L3HYPDH: variants seen among roughly 807,000 people sequenced by gnomAD.
L3HYPDH encodes trans-L-3-hydroxyproline dehydratase, also known as trans-3-hydroxy-L-proline dehydratase.
In L3HYPDH, 32 loss-of-function variants were observed where a neutral mutation model predicts 26.5. The observed-to-expected ratio is 1.21, with a 90% confidence interval of 0.91 to 1.62. L3HYPDH has a LOEUF of 1.62. L3HYPDH is among the 40% of genes most tolerant of loss of function. The pLI is 0.00. For missense variants in L3HYPDH, 554 were observed against 476.4 expected (o/e 1.16, Z -1.52); for synonymous variants, 215 against 196.6 (o/e 1.09, Z -0.78).
chr14:59,503,845 A>G, the L3HYPDH span: 1 of 1,582,654 alleles, frequency 6.3e-7, no homozygotes, highest in South Asian at 1.1e-5. Flanking sequence ...CTTTTACAAA[A>G]TTATATAGAA....
the L3HYPDH span, among the ~76,000 whole-genome samples, chr14:59,502,751 T>TTTTTGTTTTTTTTTTTTTGTTTTTG: frequency 2.2e-5 from 2 of 89,178 alleles, no homozygotes; most frequent in African/African-American, 8.9e-5. Flanking sequence ...TAAAATGAGA[T>TTTTTGTTTTTTTTTTTTTGTTTTTG]TTTTTTTTTT....
chr14:59,474,816 GTATGT>G (rs1233256367), intron 4 of L3HYPDH: 1 of 285,406 alleles, frequency 3.5e-6, no homozygotes, highest in African/African-American at 2.2e-5. Context: ...TCCAATAAAT[GTATGT>G]TGTTATTTTT....
In L3HYPDH at chr14:59,472,998, G is replaced by A. The variant is rs755471449; in HGVS notation, c.1032C>T (p.Asp344=). ...TGTASFIIED[D]DPLRDGFLLK ...GAAGAAATCCATCCCTCAATGGGTC[G>A]TCATCTTCTATTATAAAGCTTGCTG... The change falls in exon 5 of 5, where the codon GAC becomes GAT. Residue 344 remains aspartate (D), a synonymous_variant. Transcript: ENST00000247194. 31 of 1,606,614 alleles carry A rather than the reference G, an allele frequency of 1.9e-5. 1 individual carries two copies. The highest frequency in any genetic ancestry group is 1.8e-4 in the African/African-American group (13 of 74,228).
chr14:59,466,062 G>C (rs1254578868), intron 1 of L3HYPDH, among the ~76,000 whole-genome samples: 3 of 152,132 alleles, frequency 2.0e-5, no homozygotes, highest in Non-Finnish European at 2.9e-5. Context: ...TCTAAACCCC[G>C]TAGGTGATTC....
At chr14:59,501,391 C>A in the L3HYPDH span, 1 of 609,318 alleles carries the variant, frequency 1.6e-6, no homozygotes, top group Non-Finnish European at 2.8e-6. Flanking sequence ...CTGATTGATG[C>A]CACTTGGTAG....
chr14:59,483,996 T>G lies in L3HYPDH; in HGVS notation c.321A>C (p.Ala107=), dbSNP rs752871210. The G allele has an allele frequency of 1.3e-6, 2 of 1,594,356 alleles. No homozygotes were observed. The highest frequency in any genetic ancestry group is 1.7e-6 in the Non-Finnish European group (2 of 1,175,290). The stretch of plus-strand genomic sequence containing the variant: ...AAGCGAAGCGGCCCAGCGCCAGCAC[T>G]GCGTGGCCGCACATGGAGCTGTAGC... ...NEGYSSMCGH[A]VLALGRFALD... The change falls in exon 1 of 5, where the codon GCA becomes GCC. Residue 107 remains alanine (A), a synonymous_variant. Transcript: ENST00000247194.
chr14:59,502,773 T>TTTTTTTTTTTTTG, the L3HYPDH span, among the ~76,000 whole-genome samples: 264 of 102,830 alleles, frequency 2.6e-3, 25 homozygotes, highest in African/African-American at 9.2e-3. Context: ...TTTTTTTTTT[T>TTTTTTTTTTTTTG]CGGAGTCTCA....
In L3HYPDH at chr14:59,483,864, G is replaced by A; in HGVS notation, c.453C>T (p.Gly151=). ...LVTAFVACED[G]RSHGPVRFHS... ...GGAAGCGCACCGGTCCGTGGCTGCG[G>A]CCGTCCTCGCATGCCACGAAGGCGG... The change falls in exon 1 of 5, where the codon GGC becomes GGT. Residue 151 remains glycine (G), a synonymous_variant. Coordinates refer to ENST00000247194, the MANE Select transcript of L3HYPDH (RefSeq NM_144581.2). 6.3e-7 allele frequency: 1 copy of A among 1,583,340 alleles called. No homozygotes were observed. The highest frequency in any genetic ancestry group is 2.3e-5 in the East Asian group (1 of 43,796).
chr14:59,475,811 G>C, intron 4 of L3HYPDH, 58 bp downstream of exon 4: 1 of 1,502,638 alleles, frequency 6.7e-7, no homozygotes, highest in Non-Finnish European at 9.0e-7. Flanking sequence ...CCCAACTCAG[G>C]CCTCTCCAGT....
chr14:59,478,255 T>G (rs528120520), intron 2 of L3HYPDH, among the ~76,000 whole-genome samples: 1 of 152,164 alleles, frequency 6.6e-6, no homozygotes, highest in African/African-American at 2.4e-5. Context: ...ACTATATTAG[T>G]ATGTATGTAT....
chr14:59,467,710 T>C (rs1250743235), downstream of L3HYPDH, among the ~76,000 whole-genome samples: 1 of 152,194 alleles, frequency 6.6e-6, no homozygotes, highest in African/African-American at 2.4e-5. Context: ...ATCTCTCTCC[T>C]TGATGTGCCA....
chr14:59,481,675 T>TG lies in L3HYPDH; in HGVS notation c.508+2133dup, dbSNP rs1890033380. ...ATAAAACATAGGCTTTTCCCCTTCT[T>TG]GGAGTTTAGTTGGACAAGACAGATT... On this transcript the variant is annotated intron_variant, in intron 1 of 4. Transcript: ENST00000247194. Among the ~76,000 whole-genome samples, 6 of 152,360 alleles carry TG rather than the reference T, an allele frequency of 3.9e-5. No homozygotes were observed. The South Asian group carries it at 1.2e-3, about 32-fold the overall frequency.
upstream of L3HYPDH, chr14:59,484,506 C>G (rs1223884623): frequency 3.3e-6 from 5 of 1,524,946 alleles, no homozygotes; most frequent in Non-Finnish European, 4.4e-6. Flanking sequence ...GGCGGAGCCG[C>G]CGAGCTCGCT....
chr14:59,478,584 CA>C (rs979796566), intron 2 of L3HYPDH: 3 of 151,798 alleles, frequency 2.0e-5, no homozygotes, highest in East Asian at 1.9e-4. Context: ...GACCCTGTCT[CA>C]AAAAAAATAA....
chr14:59,492,918 C>G, the L3HYPDH span, among the ~76,000 whole-genome samples: 8 of 152,068 alleles, frequency 5.3e-5, no homozygotes, highest in African/African-American at 1.9e-4. Context: ...CTGCCTCAGC[C>G]TCCCGAGTAG....
the L3HYPDH span, among the ~76,000 whole-genome samples, chr14:59,493,776 A>G: frequency 6.6e-6 from 1 of 152,214 alleles, no homozygotes; most frequent in South Asian, 2.1e-4. Context: ...AATAGCCAAG[A>G]CCACCAAAGA....
At chr14:59,479,823 T>C (rs895975706) in intron 1 of L3HYPDH, among the ~76,000 whole-genome samples, 1 of 152,264 alleles carries the variant, frequency 6.6e-6, no homozygotes, top group Admixed American at 6.5e-5. Flanking sequence ...AAGATTTTTC[T>C]ATATAAATTA....
downstream of L3HYPDH, among the ~76,000 whole-genome samples, chr14:59,469,590 T>C (rs965177015): frequency 1.5e-4 from 10 of 67,386 alleles, no homozygotes; most frequent in African/African-American, 5.9e-4. Context: ...AAAAAAAAGG[T>C]TGGGGGGTAA....
At chr14:59,500,758 A>C in the L3HYPDH span, 1 of 153,248 alleles carries the variant, frequency 6.5e-6, no homozygotes, top group South Asian at 2.1e-4. Context: ...AATTATTTAC[A>C]TTCACTGGAT....
Sources: gnomAD v4.1 joint callset for allele counts (sites outside exome capture counted in the v4.1 genomes callset) on GRCh38, gnomAD v4.1.1 for gene constraint, MANE v1.5 for transcripts, NCBI Gene and HGNC (gene_info 2026-07-23, HGNC 2026-07-21) for gene names.